The following SCAI variants were observed in gnomAD, a reference collection of about 807,000 sequenced individuals.
The protein encoded by SCAI is suppressor of cancer cell invasion.
Under a neutral mutation model 92.2 loss-of-function variants are expected in SCAI, and 24 were observed. The ratio of observed to expected loss-of-function variants is 0.26; its 90% CI spans 0.19 to 0.37. The LOEUF is 0.37. Ranked by LOEUF, SCAI falls within the 10% of genes least tolerant of loss-of-function variation. The pLI is 1.00. For missense variants in SCAI, 450 were observed against 736.2 expected, an observed-to-expected ratio of 0.61 and a Z score of 4.50; for synonymous variants, 261 against 258.6, an observed-to-expected ratio of 1.01 and a Z score of -0.09.
chr9:125,003,745 A>G, intron 9 of SCAI, 175 bp from the exon 10 acceptor site: 2 of 590,114 alleles, frequency 3.4e-6, no homozygotes, highest in East Asian at 5.6e-5. Context: ...GAAGAATTCT[A>G]CAGTGACATC....
chr9:125,117,662 T>C (rs564726865), intron 2 of SCAI, among the ~76,000 whole-genome samples: 6 of 73,116 alleles, frequency 8.2e-5, no homozygotes, highest in African/African-American at 3.4e-4. Flanking sequence ...TGAGACTCCA[T>C]CTCAAAAAAA....
intron 2 of SCAI, among the ~76,000 whole-genome samples, chr9:125,066,940 T>C (rs571815292): frequency 6.6e-6 from 1 of 152,336 alleles, no homozygotes; most frequent in South Asian, 2.1e-4. Context: ...CAACAGGCTA[T>C]ACCGTGAAGC....
At chr9:124,985,988 A>G (rs1297205814) in intron 14 of SCAI, among the ~76,000 whole-genome samples, 1 of 151,612 alleles carries the variant, frequency 6.6e-6, no homozygotes, top group Non-Finnish European at 1.5e-5. Flanking sequence ...AAAATAAGAA[A>G]CTATAAAAAG....
rs146022104 is a variant in SCAI, at chr9:125,095,612, G to A, written c.99-39605C>T. Among the ~76,000 whole-genome samples, 576 of 152,346 alleles carry A rather than the reference G, an allele frequency of 3.8e-3. 5 individuals are homozygous for A. Among genetic ancestry groups the A allele is most frequent in the Middle Eastern group, 0.01 (3 of 294 alleles). The stretch of plus-strand genomic sequence containing the variant: ...CTTCCTTGCATCCAGGTATGGCCAT[G>A]GAACTAAATGATGGCCAGTGGGATT... On this transcript the variant is annotated intron_variant, in intron 2 of 17. Coordinates refer to ENST00000336505, the MANE Select transcript of SCAI (RefSeq NM_001144877.3).
chr9:124,963,523 G>A (rs1455553028), intron 17 of SCAI, among the ~76,000 whole-genome samples: 1 of 151,914 alleles, frequency 6.6e-6, no homozygotes, highest in Non-Finnish European at 1.5e-5. Flanking sequence ...GCTGAGGCAG[G>A]AGGATCACTT....
chr9:125,047,827 C>T (rs1264154651), intron 3 of SCAI, among the ~76,000 whole-genome samples: 2 of 151,994 alleles, frequency 1.3e-5, no homozygotes, highest in Non-Finnish European at 2.9e-5. Context: ...ATTTCTCTAT[C>T]GATTTATGAT....
Position 125,132,673 on chromosome 9 carries a change from T to A in SCAI, c.98+9960A>T, listed in dbSNP as rs567769880. ...CTTGCTCCTGTGTCTGCTGTCTCAA[T>A]TAAAAGCATTCTCAGGCTGGTGCGG... On this transcript the variant is annotated intron_variant, in intron 2 of 17. Coordinates refer to ENST00000336505, the MANE Select transcript of SCAI (RefSeq NM_001144877.3). Among the ~76,000 whole-genome samples the A allele has an allele frequency of 8.0e-4, 121 of 152,134 alleles. 1 individual carries two copies. Among genetic ancestry groups the A allele is most frequent in the Non-Finnish European group, 1.5e-3 (103 of 68,020 alleles).
At chr9:125,109,218 T>A (rs965164155) in intron 2 of SCAI, among the ~76,000 whole-genome samples, 2 of 152,180 alleles carry the variant, frequency 1.3e-5, no homozygotes, top group African/African-American at 4.8e-5. Context: ...ACACAAACAC[T>A]GCGGAAGGCC....
chr9:125,127,176 G>A (rs1211031855), intron 2 of SCAI, among the ~76,000 whole-genome samples: 1 of 152,154 alleles, frequency 6.6e-6, no homozygotes, highest in Non-Finnish European at 1.5e-5. Context: ...CAAAGCTGAA[G>A]CCTGTACATC....
intron 2 of SCAI, among the ~76,000 whole-genome samples, chr9:125,058,982 A>G (rs1269304053): frequency 6.6e-6 from 1 of 152,254 alleles, no homozygotes; most frequent in Non-Finnish European, 1.5e-5. Flanking sequence ...AGAAATCATG[A>G]ATCAATATAG....
intron 2 of SCAI, among the ~76,000 whole-genome samples, chr9:125,123,265 A>C (rs1835196073): frequency 6.7e-6 from 1 of 148,660 alleles, no homozygotes; most frequent in Admixed American, 7.2e-5. Context: ...CGGGAGGCTG[A>C]GGCAGGAGAA....
At chr9:125,066,460 A>T (rs60193936) in intron 2 of SCAI, among the ~76,000 whole-genome samples, 3,387 of 138,304 alleles carry the variant, frequency 0.024, 109 homozygotes, top group African/African-American at 0.072. Flanking sequence ...TTATTTATTT[A>T]TTTATTTTTT....
At chr9:124,975,327 C>T in intron 15 of SCAI, 1 of 456,650 alleles carries the variant, frequency 2.2e-6, no homozygotes, top group Non-Finnish European at 4.4e-6. Context: ...ACTATGTCAG[C>T]AGACAGGACT....
At chr9:124,975,412 T>G (rs765197130) in intron 15 of SCAI, 4 of 454,386 alleles carry the variant, frequency 8.8e-6, no homozygotes, top group African/African-American at 8.0e-5. Flanking sequence ...AGGGAGATAG[T>G]GAAACAGTGA....
In SCAI at chr9:125,008,214, G is replaced by A. The variant is rs541616897; in HGVS notation, c.862-4644C>T. On this transcript the variant is annotated intron_variant, in intron 9 of 17. Coordinates refer to ENST00000336505, the MANE Select transcript of SCAI (RefSeq NM_001144877.3). ...GGCTGGAGTGCAGTGGCACGAATTTGTCTCATTGCAACCTCTGCCTCCAGA... is the reference window on the plus strand; with the variant it reads ...GGCTGGAGTGCAGTGGCACGAATTTATCTCATTGCAACCTCTGCCTCCAGA... Among the ~76,000 whole-genome samples, 11 of 152,030 alleles carry A rather than the reference G, an allele frequency of 7.2e-5. No homozygotes were observed. In the East Asian group the frequency reaches 1.7e-3, roughly 24 times the overall value.
At chr9:125,056,964 T>G (rs1307244239) in intron 2 of SCAI, among the ~76,000 whole-genome samples, 1 of 152,190 alleles carries the variant, frequency 6.6e-6, no homozygotes, top group African/African-American at 2.4e-5. Flanking sequence ...TATCTCCACT[T>G]GTAATAAATT....
intron 2 of SCAI, among the ~76,000 whole-genome samples, chr9:125,062,230 ATCC>A (rs1191460922): frequency 6.6e-6 from 1 of 151,344 alleles, no homozygotes; most frequent in African/African-American, 2.4e-5. Flanking sequence ...GGCTCAAGCC[ATCC>A]TCCTATCTCA....
chr9:125,053,148 A>C (rs1024065230), intron 3 of SCAI, among the ~76,000 whole-genome samples: 5 of 152,184 alleles, frequency 3.3e-5, no homozygotes, highest in African/African-American at 1.2e-4. Flanking sequence ...CAGCCTGGCC[A>C]ACATAGTGAA....
intron 17 of SCAI, chr9:124,968,394 T>C (rs940370510): frequency 2.1e-5 from 24 of 1,134,120 alleles, no homozygotes; most frequent in Non-Finnish European, 3.2e-5. Flanking sequence ...GGACACGCAA[T>C]CGTGGGAGTA....
Sources: gnomAD v4.1 joint callset for allele counts (sites outside exome capture counted in the v4.1 genomes callset) on GRCh38, gnomAD v4.1.1 for gene constraint, MANE v1.5 for transcripts, NCBI Gene and HGNC (gene_info 2026-07-23, HGNC 2026-07-21) for gene names.